Variants in CAPZB observed in about 807,000 individuals in gnomAD.
CAPZB encodes the protein F-actin-capping protein subunit beta.
CAPZB carries 2 observed loss-of-function variants against 38.1 expected under a neutral mutation model. That is an observed-to-expected ratio of 0.05 (90% CI 0.02 to 0.17). The LOEUF (loss-of-function observed/expected upper bound fraction) is 0.17. Ranked by LOEUF, CAPZB falls within the 10% of genes least tolerant of loss-of-function variation. The pLI, the probability that CAPZB is intolerant of heterozygous loss-of-function variation, is 1.00. For missense variants in CAPZB, 161 were observed against 334.2 expected (o/e 0.48, Z 4.04); for synonymous variants, 107 against 127.4 (o/e 0.84, Z 1.08).
chr1:19,460,011 G>C (rs571303468), intron 1 of CAPZB, among the ~76,000 whole-genome samples: 3 of 149,150 alleles, frequency 2.0e-5, no homozygotes, highest in African/African-American at 7.3e-5. Flanking sequence ...TTATCCCAAA[G>C]AGAAGTTGCC....
chr1:19,378,677 T>C, intron 3 of CAPZB, 24 bp from the exon 4 acceptor site: 2 of 1,285,972 alleles, frequency 1.6e-6, no homozygotes, highest in Non-Finnish European at 2.3e-6. Context: ...AGGAAAAGTA[T>C]ATACCATGAA....
intron 1 of CAPZB, among the ~76,000 whole-genome samples, chr1:19,430,304 T>C (rs1049373668): frequency 6.6e-6 from 1 of 152,194 alleles, no homozygotes; most frequent in Non-Finnish European, 1.5e-5. Flanking sequence ...CAGCCATCAG[T>C]TGATCTTTCC....
intron 1 of CAPZB, among the ~76,000 whole-genome samples, chr1:19,485,051 G>A (rs1342372498): frequency 1.3e-5 from 2 of 152,110 alleles, no homozygotes; most frequent in Admixed American, 6.5e-5. Context: ...GAGAGACGGG[G>A]GAAAGCAGAC....
chr1:19,345,148 G>C lies in CAPZB; in HGVS notation c.654+39C>G, dbSNP rs781045695. On this transcript the variant is annotated intron_variant, in intron 7 of 8. Transcript: ENST00000264202. ...TCCGGGGCTGCAGTGTCACTGCTGT[G>C]GGTCACTGCAGGAGCCAGCCAGAGC... 1.3e-5 allele frequency: 20 copies of C among 1,534,584 alleles called. No individual in the cohort carries two copies. In the African/African-American group the frequency reaches 2.7e-4, roughly 21 times the overall value.
At chr1:19,372,811 T>C (rs2094125929) in intron 4 of CAPZB, among the ~76,000 whole-genome samples, 1 of 152,102 alleles carries the variant, frequency 6.6e-6, no homozygotes, top group Non-Finnish European at 1.5e-5. Flanking sequence ...TGACATCCCC[T>C]GGATGAGTCA....
intron 6 of CAPZB, among the ~76,000 whole-genome samples, chr1:19,354,871 G>A (rs1041110187): frequency 1.3e-5 from 2 of 152,198 alleles, no homozygotes; most frequent in African/African-American, 4.8e-5. Flanking sequence ...GGCTGCAGGG[G>A]AGCTGGCTGC....
intron 1 of CAPZB, among the ~76,000 whole-genome samples, chr1:19,451,829 C>T (rs12092284): frequency 0.22 from 33,947 of 151,900 alleles, 4,275 homozygotes; most frequent in Non-Finnish European, 0.27. Flanking sequence ...TAGGTTTGCC[C>T]CACCGAAACC....
At chr1:19,403,850 C>T (rs974561195) in intron 2 of CAPZB, among the ~76,000 whole-genome samples, 4 of 152,208 alleles carry the variant, frequency 2.6e-5, no homozygotes, top group African/African-American at 9.6e-5. Flanking sequence ...CTCCACTGGC[C>T]TTCAGCAGCC....
chr1:19,407,998 A>G (rs1220243479), intron 2 of CAPZB, among the ~76,000 whole-genome samples: 5 of 152,156 alleles, frequency 3.3e-5, no homozygotes, highest in Admixed American at 3.3e-4. Flanking sequence ...TGGCATTTTC[A>G]GCTTCCCATT....
intron 2 of CAPZB, 72 bp downstream of exon 2, chr1:19,419,589 G>A: frequency 1.2e-6 from 1 of 862,982 alleles, no homozygotes; most frequent in Non-Finnish European, 1.9e-6. Flanking sequence ...AATTCTGCAT[G>A]GAAAAAGCTA....
chr1:19,347,970 A>C (rs1226324164), intron 6 of CAPZB, among the ~76,000 whole-genome samples: 1 of 152,252 alleles, frequency 6.6e-6, no homozygotes, highest in Middle Eastern at 3.2e-3. Context: ...CATGCAGTAC[A>C]AAATGGGGAA....
intron 4 of CAPZB, among the ~76,000 whole-genome samples, chr1:19,377,143 G>A (rs562415823): frequency 2.0e-5 from 3 of 152,266 alleles, no homozygotes; most frequent in Non-Finnish European, 2.9e-5. Flanking sequence ...CTTACCAAAT[G>A]GGCAGGTAAA....
intron 1 of CAPZB, among the ~76,000 whole-genome samples, chr1:19,459,201 A>G (rs139155206): frequency 6.6e-6 from 1 of 152,350 alleles, no homozygotes; most frequent in East Asian, 1.9e-4. Flanking sequence ...TCAACAAAGT[A>G]AAAAGGATGG....
chr1:19,377,891 G>C (rs1449421609), intron 4 of CAPZB, among the ~76,000 whole-genome samples: 4 of 152,174 alleles, frequency 2.6e-5, no homozygotes, highest in Admixed American at 6.5e-5. Context: ...AGGTGCCGAG[G>C]CCACAAACAA....
chr1:19,477,534 C>CA (rs2094611074), intron 1 of CAPZB, among the ~76,000 whole-genome samples: 1 of 152,184 alleles, frequency 6.6e-6, no homozygotes, highest in Non-Finnish European at 1.5e-5. Flanking sequence ...TTTCTGAGCA[C>CA]AAAACTGCAA....
chr1:19,454,349 T>G (rs945779919), intron 1 of CAPZB, among the ~76,000 whole-genome samples: 1 of 152,192 alleles, frequency 6.6e-6, no homozygotes, highest in Non-Finnish European at 1.5e-5. Context: ...GTTTGTCCCA[T>G]CAGGTCCCCT....
chr1:19,341,384 C>T lies in CAPZB; in HGVS notation c.732-1767G>A, dbSNP rs546928318. On this transcript the variant is annotated intron_variant, in intron 8 of 8. Coordinates refer to ENST00000264202, the MANE Select transcript of CAPZB (RefSeq NM_004930.5). ...ACAGGACCTCTAGCCTGGGTGGTCA[C>T]TGGCTCTTCTGGGAAGGAAGAGCCA... is the stretch of plus-strand genomic sequence containing the variant. Among the ~76,000 whole-genome samples, 3 of 152,272 alleles carry T rather than the reference C, an allele frequency of 2.0e-5. No homozygotes were observed. In the South Asian group the frequency reaches 6.2e-4, roughly 32 times the overall value.
At chr1:19,381,953 A>G (rs2094177382) in intron 3 of CAPZB, among the ~76,000 whole-genome samples, 1 of 151,938 alleles carries the variant, frequency 6.6e-6, no homozygotes, top group African/African-American at 2.4e-5. Context: ...TGGCCGGGGG[A>G]GTGGATAAGA....
chr1:19,480,967 A>G (rs184188924), intron 1 of CAPZB, among the ~76,000 whole-genome samples: 4 of 152,342 alleles, frequency 2.6e-5, no homozygotes, highest in Non-Finnish European at 4.4e-5. Flanking sequence ...AATGGTGATA[A>G]TAACAATAGT....
Sources: gnomAD v4.1 joint callset for allele counts (sites outside exome capture counted in the v4.1 genomes callset) on GRCh38, gnomAD v4.1.1 for gene constraint, MANE v1.5 for transcripts, NCBI Gene and HGNC (gene_info 2026-07-23, HGNC 2026-07-21) for gene names.